TTC28: variants seen among roughly 807,000 people sequenced by gnomAD.
TTC28 encodes tetratricopeptide repeat domain 28.
Under a neutral mutation model 198.0 loss-of-function variants are expected in TTC28, and 61 were observed. The ratio of observed to expected loss-of-function variants is 0.31; its 90% CI spans 0.25 to 0.38. TTC28 has a LOEUF of 0.38. Among genes scored for constraint, TTC28 ranks in the 10% least tolerant of loss-of-function variants. TTC28 has a pLI of 1.00. For synonymous variants in TTC28, 1,171 were observed against 1,297.8 expected (o/e 0.90, Z 2.10); for missense variants, 2,678 against 3,164.0 (o/e 0.85, Z 3.69).
intron 2 of TTC28, among the ~76,000 whole-genome samples, chr22:28,380,917 A>G (rs2046484180): frequency 6.6e-6 from 1 of 152,146 alleles, no homozygotes; most frequent in Non-Finnish European, 1.5e-5. Context: ...TCTAGGACTT[A>G]GGAAATTAAC....
chr22:28,291,289 T>C (rs2044783734), intron 5 of TTC28, among the ~76,000 whole-genome samples: 1 of 152,118 alleles, frequency 6.6e-6, no homozygotes, highest in African/African-American at 2.4e-5. Flanking sequence ...CTGTGTGTTA[T>C]TTGAACACAA....
At chr22:28,363,763 T>C (rs1324956356) in intron 2 of TTC28, among the ~76,000 whole-genome samples, 1 of 152,160 alleles carries the variant, frequency 6.6e-6, no homozygotes, top group African/African-American at 2.4e-5. Flanking sequence ...AGGAGATCAT[T>C]TTGGAGCTTT....
intron 5 of TTC28, among the ~76,000 whole-genome samples, chr22:28,242,291 T>A (rs1036691868): frequency 6.6e-6 from 1 of 152,206 alleles, no homozygotes; most frequent in African/African-American, 2.4e-5. Flanking sequence ...TAAGTTTATA[T>A]CACATTTACT....
intron 13 of TTC28, among the ~76,000 whole-genome samples, chr22:28,020,158 T>C (rs552562427): frequency 6.6e-6 from 1 of 152,202 alleles, no homozygotes; most frequent in Non-Finnish European, 1.5e-5. Context: ...TGGCCCCTCC[T>C]GGGGGCTGCG....
chr22:28,492,174 A>C (rs1000326904), intron 2 of TTC28, among the ~76,000 whole-genome samples: 5 of 152,176 alleles, frequency 3.3e-5, no homozygotes, highest in Admixed American at 2.0e-4. Flanking sequence ...TGACGAGTTA[A>C]TGGGTGCAGC....
chr22:28,034,599 C>A (rs1939260768), intron 12 of TTC28, among the ~76,000 whole-genome samples: 1 of 152,166 alleles, frequency 6.6e-6, no homozygotes, highest in Non-Finnish European at 1.5e-5. Context: ...CAGCCAGAGT[C>A]CTGGCTGGAC....
chr22:28,123,904 A>G (rs936153076), intron 6 of TTC28, among the ~76,000 whole-genome samples: 16 of 151,704 alleles, frequency 1.1e-4, no homozygotes, highest in African/African-American at 3.9e-4. Flanking sequence ...AATTGCTTGA[A>G]CCCGGGAGGC....
chr22:28,512,684 C>G (rs2048706299), intron 2 of TTC28, among the ~76,000 whole-genome samples: 2 of 152,106 alleles, frequency 1.3e-5, no homozygotes, highest in South Asian at 4.2e-4. Context: ...AACAGAAAAC[C>G]AAACACTGCA....
chr22:28,640,312 AGGG>A lies in TTC28; in HGVS notation c.103-10485_103-10483del, dbSNP rs370134470. ...CAACTATAGAGGAGAAAAAAAGTAAAGGGGGGGGGGGGAAAGATGAGCAATAAG... is the reference window on the plus strand; with the variant it reads ...CAACTATAGAGGAGAAAAAAAGTAAAGGGGGGGGGAAAGATGAGCAATAAG... On this transcript the variant is annotated intron_variant, in intron 1 of 22. Transcript: ENST00000397906. Among the ~76,000 whole-genome samples, 77 of 105,586 alleles carry A rather than the reference AGGG, an allele frequency of 7.3e-4. 1 individual carries two copies. In the South Asian group the frequency reaches 0.021, roughly 29 times the overall value. 69.3% of individuals were successfully genotyped at this position (105,586 alleles called of 152,430 possible).
rs145900356 is a variant in TTC28, at chr22:28,446,985, C to T, written c.382-140342G>A. The stretch of plus-strand genomic sequence containing the variant: ...TGCCTGATTAAAATGCTTATTATGA[C>T]CACTTGACAGAAAACAAAACTGAAG... On this transcript the variant is annotated intron_variant, in intron 2 of 22. Coordinates refer to ENST00000397906, the MANE Select transcript of TTC28 (RefSeq NM_001145418.2). Among the ~76,000 whole-genome samples the T allele has an allele frequency of 8.0e-3, 1,220 of 152,178 alleles. 14 individuals carry two copies. Among genetic ancestry groups the T allele is most frequent in the Non-Finnish European group, 0.013 (868 of 68,000 alleles).
Position 28,107,960 on chromosome 22 carries a change from C to G in TTC28, c.1885G>C (p.Asp629His). The change falls in exon 7 of 23, where the codon GAC becomes CAC. Residue 629 changes from aspartate (D) to histidine (H), a missense_variant. By Grantham distance (81) the Asp-to-His change is moderately conservative. Coordinates refer to ENST00000397906, the MANE Select transcript of TTC28 (RefSeq NM_001145418.2). ...CAGACCTTCCCTTCTCCTTCCATGT[C>G]TTGAAGGTCGGGAGCAAGCCGGAGG... ...QYLRLAPDLQ[D>H]MEGEGKVCHN... 1.3e-6 allele frequency: 2 copies of G among 1,551,660 alleles called. No homozygotes were observed. The highest frequency in any genetic ancestry group is 2.7e-5 in the African/African-American group (2 of 73,164).
chr22:28,101,208 AG>A lies in TTC28; in HGVS notation c.3379del (p.Leu1127PhefsTer30). ...CTCCTCCAAGTTTCCACTAGCCCAAAGGGAGAGGCCAAGGCCATGGCGAATT... is the reference window on the plus strand; with the variant it reads ...CTCCTCCAAGTTTCCACTAGCCCAAAGGAGAGGCCAAGGCCATGGCGAATT... Reference protein sequence around the residue: ...AKIRHGLGLSLWASGNLEEAQ... With the variant: ...AKIRHGLGLSXWASGNLEEAQ... On this transcript the variant is annotated frameshift_variant, in exon 9 of 23. Transcript: ENST00000397906. LOFTEE classifies it high-confidence loss of function. 2 of 1,551,676 alleles carry A rather than the reference AG, an allele frequency of 1.3e-6. No homozygotes were observed. Among genetic ancestry groups the A allele is most frequent in the Non-Finnish European group, 1.7e-6 (2 of 1,146,972 alleles).
intron 5 of TTC28, among the ~76,000 whole-genome samples, chr22:28,218,407 A>G (rs1300903361): frequency 6.6e-6 from 1 of 152,174 alleles, no homozygotes; most frequent in Non-Finnish European, 1.5e-5. Flanking sequence ...AAGTTTCCCC[A>G]AACTCTATCT....
chr22:28,673,140 T>C (rs1026944621), intron 1 of TTC28, among the ~76,000 whole-genome samples: 1 of 152,076 alleles, frequency 6.6e-6, no homozygotes, highest in African/African-American at 2.4e-5. Context: ...TTTGGGAGGC[T>C]GAGGCGGGCG....
intron 12 of TTC28, among the ~76,000 whole-genome samples, chr22:28,064,804 G>A (rs1178148869): frequency 6.6e-6 from 1 of 152,046 alleles, no homozygotes; most frequent in Non-Finnish European, 1.5e-5. Context: ...TCTTGGAAAA[G>A]GTATCCAGTA....
chr22:28,013,755 G>A (rs1207567803), intron 14 of TTC28, among the ~76,000 whole-genome samples: 2 of 152,124 alleles, frequency 1.3e-5, no homozygotes, highest in Non-Finnish European at 2.9e-5. Context: ...CCACATCCCC[G>A]AGGCGTCTGC....
intron 2 of TTC28, among the ~76,000 whole-genome samples, chr22:28,564,291 T>G (rs146414956): frequency 6.9e-4 from 105 of 152,304 alleles, no homozygotes; most frequent in African/African-American, 2.5e-3. Context: ...TCAATTTTAC[T>G]TCAATTATTT....
intron 2 of TTC28, among the ~76,000 whole-genome samples, chr22:28,366,418 A>T (rs2046247347): frequency 6.6e-6 from 1 of 152,158 alleles, no homozygotes. Context: ...GGATACAAAG[A>T]TGAATTAGTC....
At chr22:28,224,331 A>G (rs1928121956) in intron 5 of TTC28, among the ~76,000 whole-genome samples, 1 of 152,140 alleles carries the variant, frequency 6.6e-6, no homozygotes, top group South Asian at 2.1e-4. Flanking sequence ...TGGTCCACAG[A>G]ATACCAAGGT....
Sources: gnomAD v4.1 joint callset for allele counts (sites outside exome capture counted in the v4.1 genomes callset) on GRCh38, gnomAD v4.1.1 for gene constraint, MANE v1.5 for transcripts, NCBI Gene and HGNC (gene_info 2026-07-23, HGNC 2026-07-21) for gene names.